The following LTN1 variants were observed in gnomAD, a reference collection of about 807,000 sequenced individuals.
LTN1 encodes listerin E3 ubiquitin protein ligase 1.
In LTN1, 88 loss-of-function variants were observed where a neutral mutation model predicts 201.2. That is an observed-to-expected ratio of 0.44 (90% confidence interval 0.37 to 0.52). LTN1 has a LOEUF of 0.52. Among genes scored for constraint, LTN1 ranks in the 20% least tolerant of loss-of-function variants. The pLI is 0.00. For missense variants in LTN1, 1,752 were observed against 2,038.7 expected (o/e 0.86, Z 2.71); for synonymous variants, 645 against 713.5 (o/e 0.90, Z 1.53).
In LTN1 at chr21:28,935,089, AAAGTC is replaced by A; in HGVS notation, c.4875+15_4875+19del. On this transcript the variant is annotated intron_variant, in intron 27 of 29. Transcript: ENST00000361371. ...CAATATTAAAACAACTTTTCTAGAG[AAAGTC>A]AAGACAATACTAACCGTCATGCCAT... The A allele has an allele frequency of 1.3e-6, 2 of 1,513,778 alleles. No individual in the cohort carries two copies. The highest frequency in any genetic ancestry group is 1.8e-6 in the Non-Finnish European group (2 of 1,090,354). The allele number at this position is 1,513,778 out of a possible 1,614,324, so 93.8% of individuals were successfully genotyped here. A position where few individuals can be genotyped will look rare whatever the true frequency, so the allele number is the denominator to read the frequency against.
At position 28,932,529 on chromosome 21, in the gene LTN1, C is replaced by A; in HGVS notation, c.5011G>T (p.Val1671Leu). 1 of 1,614,070 alleles carries A rather than the reference C, an allele frequency of 6.2e-7. No individual in the cohort carries two copies. The highest frequency in any genetic ancestry group is 1.1e-5 in the South Asian group (1 of 91,088). Reference sequence around the variant, plus strand: ...CAGTTCCGCCACTGCTGAACAGCTACTCCTACTCTTTTCCCACTTTCTACT... The same window carrying A: ...CAGTTCCGCCACTGCTGAACAGCTAATCCTACTCTTTTCCCACTTTCTACT... ...IIVESGKRVG[V>L]AVQQWRNWML... Residue 1671 changes from valine to leucine, a missense_variant, in exon 28 of 30, where the codon GTA (valine) becomes TTA (leucine). Transcript: ENST00000361371.
At position 28,931,261 on chromosome 21, in the gene LTN1, C is replaced by G; in HGVS notation, c.5132G>C (p.Gly1711Ala). The change falls in exon 29 of 30, where the codon GGT becomes GCT. Residue 1711 changes from glycine to alanine, a missense_variant. This residue lies in a region of LTN1 where 261 missense variants were observed against 350.1 expected (regional missense o/e 0.75). Coordinates refer to ENST00000361371, the MANE Select transcript of LTN1 (RefSeq NM_015565.3). ...GAAACAGATCATGCAATCTTCAACACCCTCAAAACGTTTGTCTACGTTATT... is the reference window on the plus strand; with the variant it reads ...GAAACAGATCATGCAATCTTCAACAGCCTCAAAACGTTTGTCTACGTTATT... Reference protein sequence around the residue: ...WKNNVDKRFEGVEDCMICFSV... With the variant: ...WKNNVDKRFEAVEDCMICFSV... 4 of 1,612,838 alleles carry G rather than the reference C, an allele frequency of 2.5e-6. No homozygotes were observed. The highest frequency in any genetic ancestry group is 3.4e-6 in the Non-Finnish European group (4 of 1,179,108).
chr21:28,971,281 G>C lies in LTN1; in HGVS notation c.974C>G (p.Thr325Arg), dbSNP rs147761789. Residue 325 changes from threonine to arginine, a missense_variant, in exon 7 of 30, where the codon ACA becomes AGA. Coordinates refer to ENST00000361371, the MANE Select transcript of LTN1 (RefSeq NM_015565.3). ...GCCTCTCTTACATACCTCAATAGTT[G>C]TAAGTGTATAGAGTACAGCTTCCCA... ...ALWEAVLYTL[T>R]TIEDCWLHVN... 2.8e-4 allele frequency: 453 copies of C among 1,613,062 alleles called. 5 individuals are homozygous for C. In the South Asian group the frequency reaches 4.7e-3, roughly 17 times the overall value.
chr21:28,967,472 T>C (rs1216786251), intron 9 of LTN1: 2 of 243,536 alleles, frequency 8.2e-6, no homozygotes, highest in Non-Finnish European at 1.6e-5. Context: ...TGCCTAGTAA[T>C]GAAGCCTCCA....
At chr21:28,969,057 C>G (rs1390923036) in intron 9 of LTN1, among the ~76,000 whole-genome samples, 1 of 151,476 alleles carries the variant, frequency 6.6e-6, no homozygotes, top group African/African-American at 2.4e-5. Flanking sequence ...GCCGTCTCTA[C>G]TAAAAATACA....
Position 28,966,654 on chromosome 21 carries a change from G to T in LTN1, c.1837C>A (p.His613Asn), listed in dbSNP as rs772318991. ...AGCAGAGTAGAAAGAAACCTTAGAT[G>T]TTGCTCTGACTTTCGTTCATTGACA... ...NYVNERKSEQ[H>N]LRFLSTLLDS... The change falls in exon 10 of 30, where the codon CAT becomes AAT. Residue 613 changes from histidine to asparagine, a missense_variant. Physicochemically the swap from His to Asn is moderately conservative, Grantham distance 68. Transcript: ENST00000361371. 49 of 1,613,860 alleles carry T rather than the reference G, an allele frequency of 3.0e-5. No individual in the cohort carries two copies. The highest frequency in any genetic ancestry group is 3.9e-5 in the Non-Finnish European group (46 of 1,180,008).
At position 28,936,673 on chromosome 21, in the gene LTN1, G is replaced by T. The variant is rs2084259522; in HGVS notation, c.4507C>A (p.Leu1503Ile). The T allele has an allele frequency of 6.2e-7, 1 of 1,612,372 alleles. No homozygotes were observed. Among genetic ancestry groups the T allele is most frequent in the Non-Finnish European group, 8.5e-7 (1 of 1,179,058 alleles). The change falls in exon 26 of 30, where the codon CTT becomes ATT. Residue 1503 changes from leucine (L) to isoleucine (I), a missense_variant. Transcript: ENST00000361371. ...SQLRALYSMYLRKTKSLNKLL... is the reference protein window; with the variant it reads ...SQLRALYSMYIRKTKSLNKLL... ...TTATTCAAACTCTTTGTTTTCCGAA[G>T]ATACATGGAATACAAAGCCCGAAGC... is the stretch of plus-strand genomic sequence containing the variant.
chr21:28,953,379 A>G lies in LTN1; in HGVS notation c.3080-3T>C. On this transcript the variant is annotated splice_region_variant and splice_polypyrimidine_tract_variant and intron_variant, in intron 16 of 29. Transcript: ENST00000361371. ...CAGTGAATAAAGCAGTTCTGCAACT[A>G]AAAGAAGAGACAGCACCAAATTATG... is the stretch of plus-strand genomic sequence containing the variant. 6.4e-7 allele frequency: 1 copy of G among 1,568,822 alleles called. No homozygotes were observed. Among genetic ancestry groups the G allele is most frequent in the Non-Finnish European group, 8.6e-7 (1 of 1,166,446 alleles).
chr21:28,947,279 G>T (rs991890478), intron 19 of LTN1, among the ~76,000 whole-genome samples, 185 bp downstream of exon 19: 3 of 152,136 alleles, frequency 2.0e-5, no homozygotes, highest in African/African-American at 7.2e-5. Context: ...CTTCCCTTAA[G>T]GCCCAGCATT....
intron 27 of LTN1, 38 bp from the exon 28 acceptor site, chr21:28,932,702 C>A (rs1306600593): frequency 6.8e-7 from 1 of 1,464,954 alleles, no homozygotes; most frequent in Non-Finnish European, 9.4e-7. Flanking sequence ...TGCCAAATTT[C>A]TGTCTTTCAA....
At chr21:28,940,915 C>G (rs1381835832) in intron 25 of LTN1, among the ~76,000 whole-genome samples, 1 of 152,026 alleles carries the variant, frequency 6.6e-6, no homozygotes, top group Non-Finnish European at 1.5e-5. Context: ...CGGTGAAACC[C>G]CATCTCTACA....
intron 21 of LTN1, among the ~76,000 whole-genome samples, chr21:28,945,451 A>C (rs2084329821): frequency 6.6e-6 from 1 of 152,176 alleles, no homozygotes; most frequent in Admixed American, 6.5e-5. Flanking sequence ...TACTCTCACA[A>C]TATTCACACA....
intron 11 of LTN1, 96 bp downstream of exon 11, chr21:28,965,769 T>C (rs144683024): frequency 1.3e-5 from 9 of 680,380 alleles, no homozygotes; most frequent in Non-Finnish European, 2.2e-5. Flanking sequence ...AGAACCTGAC[T>C]ATCTGACCAT....
intron 14 of LTN1, 81 bp downstream of exon 14, chr21:28,958,296 TCATAGGCAC>T: frequency 8.1e-7 from 1 of 1,235,950 alleles, no homozygotes; most frequent in Non-Finnish European, 1.1e-6. Flanking sequence ...AAGTCATTTT[TCATAGGCAC>T]TCACACTGAT....
In LTN1 at chr21:28,946,157, G is replaced by T; in HGVS notation, c.3618C>A (p.Phe1206Leu). The T allele has an allele frequency of 6.3e-7, 1 of 1,577,480 alleles. No homozygotes were observed. The highest frequency in any genetic ancestry group is 8.6e-7 in the Non-Finnish European group (1 of 1,163,652). Residue 1206 changes from phenylalanine to leucine, a missense_variant, in exon 20 of 30, where the codon TTC (phenylalanine) becomes TTA (leucine). Physicochemically the swap from Phe to Leu is conservative, Grantham distance 22. Around this residue, in one of 3 missense-constraint regions of LTN1, gnomAD observed 1,211 missense variants for 1,312.8 expected, o/e 0.92. Transcript: ENST00000361371. ...WKKEHEDIFL[F>L]SCNLSEASPE... ...TAGTATAAAGTATCACCTACCAACT[G>T]AAAAGAAAAATATCTTCATGCTCTT... is the stretch of plus-strand genomic sequence containing the variant.
chr21:28,962,740 T>C (rs887857548), intron 11 of LTN1, among the ~76,000 whole-genome samples: 5 of 152,216 alleles, frequency 3.3e-5, no homozygotes, highest in African/African-American at 2.4e-5. Context: ...GGAAGGCATG[T>C]TGAAAGCCAA....
At chr21:28,980,851 GAA>G (rs1165522530) in intron 6 of LTN1, among the ~76,000 whole-genome samples, 3 of 152,128 alleles carry the variant, frequency 2.0e-5, no homozygotes, top group Non-Finnish European at 2.9e-5. Context: ...AATTAAATGA[GAA>G]GAGACTTGCA....
chr21:28,939,998 G>T (rs1286006419), intron 25 of LTN1, among the ~76,000 whole-genome samples: 1 of 152,152 alleles, frequency 6.6e-6, no homozygotes, highest in Admixed American at 6.6e-5. Flanking sequence ...CTTTGTACCA[G>T]GGTATAGGGT....
chr21:28,936,454 C>T (rs1460050703), intron 26 of LTN1, 72 bp downstream of exon 26: 2 of 1,276,316 alleles, frequency 1.6e-6, no homozygotes, highest in Non-Finnish European at 2.1e-6. Context: ...TCCACATTCT[C>T]AGGGAAAAGT....
Sources: gnomAD v4.1 joint callset for allele counts (sites outside exome capture counted in the v4.1 genomes callset) on GRCh38, gnomAD v4.1.1 for gene constraint, gnomAD v4.1.1 regional missense constraint, MANE v1.5 for transcripts, NCBI Gene and HGNC (gene_info 2026-07-23, HGNC 2026-07-21) for gene names.